Variants in ZNF385D observed in about 807,000 individuals in gnomAD.
The protein encoded by ZNF385D is zinc finger protein 659.
A neutral mutation model predicts 35.8 loss-of-function variants in ZNF385D; 15 were observed. That is an observed-to-expected ratio of 0.42 (90% confidence interval 0.28 to 0.64). The LOEUF (loss-of-function observed/expected upper bound fraction) is 0.64. Ranked by LOEUF, ZNF385D falls within the 30% of genes least tolerant of loss-of-function variation. The pLI, the probability that ZNF385D is intolerant of heterozygous loss-of-function variation, is 0.23. For synonymous variants in ZNF385D, 212 were observed against 186.8 expected, an observed-to-expected ratio of 1.13 and a Z score of -1.10; for missense variants, 474 against 494.6, an observed-to-expected ratio of 0.96 and a Z score of 0.39.
At chr3:22,248,264 C>T (rs898522429) in intron 2 of ZNF385D, among the ~76,000 whole-genome samples, 1 of 152,170 alleles carries the variant, frequency 6.6e-6, no homozygotes, top group African/African-American at 2.4e-5. Flanking sequence ...CATGTCTGTA[C>T]AAGACCACAC....
At chr3:22,116,791 C>T (rs147627196) in intron 3 of ZNF385D, among the ~76,000 whole-genome samples, 1 of 152,106 alleles carries the variant, frequency 6.6e-6, no homozygotes, top group East Asian at 1.9e-4. Flanking sequence ...CTCAAAATTA[C>T]AGTTTTTATA....
chr3:22,170,268 G>A (rs1207269111), intron 2 of ZNF385D, among the ~76,000 whole-genome samples: 2 of 152,202 alleles, frequency 1.3e-5, no homozygotes, highest in African/African-American at 4.8e-5. Context: ...CATCACAAAA[G>A]TGGTCCTTGC....
In ZNF385D at chr3:22,269,576, C is replaced by A. The variant is rs1484108574; in HGVS notation, c.107-100541G>T. On this transcript the variant is annotated intron_variant, in intron 2 of 5. Coordinates refer to the ZNF385D transcript ENST00000494108. ...TGAGTAATGGAGGAGAGAGCACTGG[C>A]AGTTTGGGATATAAATGATACTCCA... Among the ~76,000 whole-genome samples, 6 of 151,946 alleles carry A rather than the reference C, an allele frequency of 3.9e-5. No homozygotes were observed. The East Asian group carries it at 1.2e-3, about 30-fold the overall frequency.
intron 3 of ZNF385D, chr3:21,542,681 G>A (rs1575137034): frequency 1.3e-5 from 2 of 152,242 alleles, no homozygotes; most frequent in African/African-American, 2.4e-5. Flanking sequence ...ACTCTAATCA[G>A]CCTGCCCACT....
At chr3:21,749,269 C>A (rs1448717857) in intron 1 of ZNF385D, among the ~76,000 whole-genome samples, 2 of 152,178 alleles carry the variant, frequency 1.3e-5, no homozygotes, top group African/African-American at 4.8e-5. Flanking sequence ...ATAACACAAG[C>A]TAGCCCACTG....
At chr3:21,755,755 ATTAT>A (rs538088838), upstream of ZNF385D, among the ~76,000 whole-genome samples, 180 of 152,318 alleles carry the variant, frequency 1.2e-3, no homozygotes, top group African/African-American at 4.2e-3. Context: ...GAACAAATTC[ATTAT>A]TTATCTATGA....
At chr3:21,918,991 C>T (rs1016479526) in intron 3 of ZNF385D, among the ~76,000 whole-genome samples, 2 of 152,148 alleles carry the variant, frequency 1.3e-5, no homozygotes, top group Non-Finnish European at 2.9e-5. Context: ...CACAGACAGC[C>T]TTAATTTAAA....
intron 3 of ZNF385D, among the ~76,000 whole-genome samples, chr3:22,116,874 T>C (rs1576347659): frequency 6.6e-6 from 1 of 152,102 alleles, no homozygotes; most frequent in African/African-American, 2.4e-5. Flanking sequence ...CTAAAACTTA[T>C]AATGAAAACA....
intron 2 of ZNF385D, among the ~76,000 whole-genome samples, chr3:22,342,432 T>G (rs533454249): frequency 3.9e-4 from 59 of 152,130 alleles, no homozygotes; most frequent in Non-Finnish European, 6.8e-4. Flanking sequence ...ACTTGTAAAT[T>G]CTATGAATCT....
At chr3:21,789,463 T>C (rs2071833664) in intron 3 of ZNF385D, among the ~76,000 whole-genome samples, 1 of 152,180 alleles carries the variant, frequency 6.6e-6, no homozygotes, top group South Asian at 2.1e-4. Context: ...ACTATCTGAC[T>C]TTCACTCAAC....
At chr3:21,808,531 G>A (rs1033220343) in intron 3 of ZNF385D, among the ~76,000 whole-genome samples, 1 of 152,156 alleles carries the variant, frequency 6.6e-6, no homozygotes, top group Non-Finnish European at 1.5e-5. Context: ...GAAAAAGAAC[G>A]CTGTTGACCC....
At chr3:22,331,630 G>C (rs1575135528) in intron 2 of ZNF385D, among the ~76,000 whole-genome samples, 1 of 152,074 alleles carries the variant, frequency 6.6e-6, no homozygotes, top group South Asian at 2.1e-4. Flanking sequence ...CAAAACTTTG[G>C]TACAAGGAGT....
chr3:21,688,540 T>A (rs1040666977), intron 1 of ZNF385D, among the ~76,000 whole-genome samples: 1 of 152,144 alleles, frequency 6.6e-6, no homozygotes, highest in Non-Finnish European at 1.5e-5. Context: ...AACAAGTCTT[T>A]ATCACAGCTA....
At chr3:21,509,409 T>G (rs548416688) in intron 4 of ZNF385D, among the ~76,000 whole-genome samples, 2 of 152,292 alleles carry the variant, frequency 1.3e-5, no homozygotes, top group Non-Finnish European at 2.9e-5. Context: ...ACTTACCTGC[T>G]TCATTACCAC....
intron 3 of ZNF385D, among the ~76,000 whole-genome samples, chr3:21,977,714 T>C (rs1703722238): frequency 6.6e-6 from 1 of 152,012 alleles, no homozygotes; most frequent in Non-Finnish European, 1.5e-5. Flanking sequence ...GGGCTGTCTA[T>C]GGTCCCAGCT....
intron 3 of ZNF385D, among the ~76,000 whole-genome samples, chr3:21,840,728 T>C (rs1460571696): frequency 6.6e-6 from 1 of 152,082 alleles, no homozygotes; most frequent in Non-Finnish European, 1.5e-5. Flanking sequence ...TATTTATTTA[T>C]ACATTTGCTT....
At chr3:21,636,379 T>C (rs1371882617) in intron 2 of ZNF385D, among the ~76,000 whole-genome samples, 2 of 3,668 alleles carry the variant, frequency 5.5e-4, no homozygotes, top group African/African-American at 2.9e-3. Flanking sequence ...TATATATGAT[T>C]ATATATATAT....
chr3:21,505,920 T>C (rs1030219507), intron 4 of ZNF385D, among the ~76,000 whole-genome samples: 2 of 152,144 alleles, frequency 1.3e-5, no homozygotes, highest in South Asian at 4.1e-4. Flanking sequence ...GGCCAACCGT[T>C]TCAGCATAAA....
At chr3:21,875,580 T>C (rs1697921433) in intron 3 of ZNF385D, among the ~76,000 whole-genome samples, 1 of 152,098 alleles carries the variant, frequency 6.6e-6, no homozygotes, top group Non-Finnish European at 1.5e-5. Flanking sequence ...TTTCAAAATA[T>C]ATCTGATACT....
Sources: allele counts gnomAD v4.1 joint callset (sites outside exome capture counted in the v4.1 genomes callset), GRCh38; gene constraint gnomAD v4.1.1; transcripts MANE v1.5; gene names NCBI Gene and HGNC (gene_info 2026-07-23, HGNC 2026-07-21).